CFAP69: variants seen among roughly 807,000 people sequenced by gnomAD.
The protein encoded by CFAP69 is cilia and flagella associated protein 69.
CFAP69 carries 92 observed loss-of-function variants against 123.0 expected under a neutral mutation model. The observed-to-expected ratio is 0.75, with a 90% CI of 0.63 to 0.89. The LOEUF (loss-of-function observed/expected upper bound fraction) is 0.89, where lower values mean the gene tolerates loss of function less well. Among genes scored for constraint, CFAP69 ranks in the 40% least tolerant of loss-of-function variants. The pLI is 0.00. For missense variants in CFAP69, 1,067 were observed against 1,096.9 expected, an observed-to-expected ratio of 0.97 and a Z score of 0.39; for synonymous variants, 380 against 364.3, an observed-to-expected ratio of 1.04 and a Z score of -0.49.
At chr7:90,279,509 A>T (rs1789120224) in intron 11 of CFAP69, among the ~76,000 whole-genome samples, 168 bp from the exon 12 acceptor site, 1 of 151,438 alleles carries the variant, frequency 6.6e-6, no homozygotes, top group African/African-American at 2.4e-5. Flanking sequence ...TAACTTATTT[A>T]ATTTTTGGTG....
At chr7:90,323,041 C>G in the CFAP69 span, among the ~76,000 whole-genome samples, 1 of 152,158 alleles carries the variant, frequency 6.6e-6, no homozygotes, top group African/African-American at 2.4e-5. Flanking sequence ...AAAATACAAT[C>G]TCAGCAATTT....
chr7:90,246,183 A>G (rs909526334), intron 1 of CFAP69, among the ~76,000 whole-genome samples: 6 of 152,204 alleles, frequency 3.9e-5, no homozygotes, highest in African/African-American at 1.4e-4. Context: ...TATGAATACA[A>G]AATTCACTCT....
At chr7:90,311,762 G>A (rs924551699), downstream of CFAP69, among the ~76,000 whole-genome samples, 3 of 152,038 alleles carry the variant, frequency 2.0e-5, no homozygotes, top group Non-Finnish European at 2.9e-5. Flanking sequence ...TTAGATTGGC[G>A]GCTTCTCACC....
At chr7:90,276,941 A>C in intron 9 of CFAP69, 132 bp from the exon 10 acceptor site, 1 of 631,552 alleles carries the variant, frequency 1.6e-6, no homozygotes, top group Non-Finnish European at 2.5e-6. Flanking sequence ...ATTACTATTC[A>C]TGCTTTATGA....
intron 8 of CFAP69, among the ~76,000 whole-genome samples, chr7:90,273,291 T>C (rs17867608): frequency 0.045 from 6,790 of 151,614 alleles, 197 homozygotes; most frequent in South Asian, 0.11. Flanking sequence ...TGGTGAGAGA[T>C]GAGGCTAACA....
chr7:90,278,613 T>C (rs1788959715), intron 11 of CFAP69, among the ~76,000 whole-genome samples: 1 of 152,118 alleles, frequency 6.6e-6, no homozygotes, highest in Non-Finnish European at 1.5e-5. Context: ...TTCTAATTAA[T>C]TGAACAACAC....
intron 15 of CFAP69, among the ~76,000 whole-genome samples, chr7:90,290,810 CTTTTCTTTTCTTTTT>C (rs1791065124): frequency 1.4e-5 from 1 of 69,744 alleles, no homozygotes; most frequent in East Asian, 5.4e-4. Context: ...CTTTTCTTTT[CTTTTCTTTTCTTTTT>C]TAAGGGGAGC....
At chr7:90,308,385 G>A (rs988370736) in intron 21 of CFAP69, among the ~76,000 whole-genome samples, 1 of 152,154 alleles carries the variant, frequency 6.6e-6, no homozygotes, top group East Asian at 1.9e-4. Flanking sequence ...AGTGCTAATC[G>A]TTCACTTGAA....
chr7:90,269,304 T>C (rs1799622179), intron 6 of CFAP69, among the ~76,000 whole-genome samples: 1 of 151,998 alleles, frequency 6.6e-6, no homozygotes, highest in South Asian at 2.1e-4. Flanking sequence ...TCCACCCAAA[T>C]AGAGTTGAAA....
chr7:90,264,511 A>G (rs1273325243), intron 4 of CFAP69, among the ~76,000 whole-genome samples: 3 of 152,078 alleles, frequency 2.0e-5, no homozygotes, highest in Admixed American at 6.5e-5. Context: ...GATTTTGCCT[A>G]GAGTTTTGAA....
intron 13 of CFAP69, among the ~76,000 whole-genome samples, chr7:90,284,545 A>G (rs1789974885): frequency 6.6e-6 from 1 of 152,210 alleles, no homozygotes; most frequent in South Asian, 2.1e-4. Flanking sequence ...CATGTATCAT[A>G]GAAAGATAGC....
At chr7:90,313,480 AC>A (rs1197805392), downstream of CFAP69, among the ~76,000 whole-genome samples, 1 of 152,040 alleles carries the variant, frequency 6.6e-6, no homozygotes, top group Non-Finnish European at 1.5e-5. Context: ...CAATACCCCA[AC>A]TTTGGTTTCC....
Position 90,306,904 on chromosome 7 carries a change from G to A in CFAP69, c.2269G>A (p.Gly757Arg). ...TTGTTAAACTTTGTTATAACAGATTGGAGAAATATGGAATGAAATATATGA... is the reference window on the plus strand; with the variant it reads ...TTGTTAAACTTTGTTATAACAGATTAGAGAAATATGGAATGAAATATATGA... ...IIHRYLDFKI[G>R]EIWNEIYEEI... The change falls in exon 20 of 23, where the codon GGA becomes AGA. Residue 757 changes from glycine (G) to arginine (R), a missense_variant. By Grantham distance (125) the Gly-to-Arg change is moderately radical (BLOSUM62 -2). Coordinates refer to ENST00000389297, the MANE Select transcript of CFAP69 (RefSeq NM_001039706.3). 3.4e-6 allele frequency: 5 copies of A among 1,483,216 alleles called. No homozygotes were observed. The highest frequency in any genetic ancestry group is 3.7e-6 in the Non-Finnish European group (4 of 1,074,820). 91.9% of individuals were successfully genotyped at this position (1,483,216 alleles called of 1,614,324 possible).
the CFAP69 span, chr7:90,320,965 G>A: frequency 2.6e-5 from 4 of 151,802 alleles, no homozygotes. Flanking sequence ...GAGGACCTCT[G>A]GTCGCCGTCC....
At chr7:90,268,554 A>G (rs973891828) in intron 6 of CFAP69, among the ~76,000 whole-genome samples, 170 bp downstream of exon 6, 1 of 152,084 alleles carries the variant, frequency 6.6e-6, no homozygotes, top group African/African-American at 2.4e-5. Context: ...TTATATATGT[A>G]TTTTTCAGTT....
chr7:90,287,553 C>CAAGGG (rs971861215), intron 14 of CFAP69: 1 of 984,816 alleles, frequency 1.0e-6, no homozygotes, highest in African/African-American at 1.7e-5. Context: ...TGTTAAATAG[C>CAAGGG]AAGGGATGGA....
At position 90,281,775 on chromosome 7, in the gene CFAP69, G is replaced by A. The variant is rs28494600; in HGVS notation, c.1373-1117G>A. Reference sequence around the variant, plus strand: ...TCGATGCATTTAACTACTGTAAAACGTACAAATGTCTATTTGACAAAATCT... The same window carrying A: ...TCGATGCATTTAACTACTGTAAAACATACAAATGTCTATTTGACAAAATCT... On this transcript the variant is annotated intron_variant, in intron 12 of 22. Coordinates refer to ENST00000389297, the MANE Select transcript of CFAP69 (RefSeq NM_001039706.3). Among the ~76,000 whole-genome samples the A allele has an allele frequency of 5.9e-3, 896 of 152,116 alleles. 15 individuals are homozygous for A. Among genetic ancestry groups the A allele is most frequent in the African/African-American group, 0.02 (847 of 41,506 alleles).
intron 4 of CFAP69, among the ~76,000 whole-genome samples, chr7:90,263,132 C>T (rs1354596943): frequency 6.6e-6 from 1 of 152,120 alleles, no homozygotes; most frequent in Non-Finnish European, 1.5e-5. Flanking sequence ...ATCTATGCTC[C>T]TACAGAGCTC....
Position 90,261,940 on chromosome 7 carries a change from A to G in CFAP69, c.247-7A>G. On this transcript the variant is annotated splice_region_variant and splice_polypyrimidine_tract_variant and intron_variant, in intron 3 of 22. Coordinates refer to ENST00000389297, the MANE Select transcript of CFAP69 (RefSeq NM_001039706.3). ...TGAATTTTATTTCTTAACTAAAAAT[A>G]TTAAAGCCATTAAGGGATTTAGCAC... 7.1e-7 allele frequency: 1 copy of G among 1,403,656 alleles called. No individual in the cohort carries two copies. Among genetic ancestry groups the G allele is most frequent in the Non-Finnish European group, 9.8e-7 (1 of 1,021,354 alleles). 87.0% of individuals were successfully genotyped at this position (1,403,656 alleles called of 1,614,324 possible).
Sources: gnomAD v4.1 joint callset for allele counts (sites outside exome capture counted in the v4.1 genomes callset) on GRCh38, gnomAD v4.1.1 for gene constraint, MANE v1.5 for transcripts, NCBI Gene and HGNC (gene_info 2026-07-23, HGNC 2026-07-21) for gene names.